Variants in GAS2 observed in about 807,000 individuals in gnomAD.
The protein encoded by GAS2 is growth arrest specific 2, also known as growth arrest-specific protein 2.
GAS2 carries 20 observed loss-of-function variants against 37.5 expected under a neutral mutation model. The observed-to-expected ratio is 0.53, with a 90% CI of 0.37 to 0.77. The LOEUF is 0.77. Among genes scored for constraint, GAS2 ranks in the 30% least tolerant of loss-of-function variants. GAS2 has a pLI of 0.00. For missense variants in GAS2, 336 were observed against 373.4 expected, an observed-to-expected ratio of 0.90 and a Z score of 0.82; for synonymous variants, 144 against 132.2, an observed-to-expected ratio of 1.09 and a Z score of -0.61.
intron 7 of GAS2, among the ~76,000 whole-genome samples, chr11:22,798,802 C>A (rs1856540302): frequency 6.6e-6 from 1 of 152,000 alleles, no homozygotes; most frequent in Non-Finnish European, 1.5e-5. Context: ...TAGAATCAAG[C>A]TTTCAACATG....
chr11:22,729,200 G>A (rs920744177), intron 4 of GAS2, among the ~76,000 whole-genome samples: 58 of 151,854 alleles, frequency 3.8e-4, no homozygotes, highest in South Asian at 2.1e-4. Flanking sequence ...TGTATGAAGA[G>A]GCTTCTGTGT....
intron 2 of GAS2, among the ~76,000 whole-genome samples, chr11:22,680,771 G>C (rs1464984379): frequency 2.0e-5 from 3 of 152,086 alleles, no homozygotes; most frequent in Non-Finnish European, 4.4e-5. Flanking sequence ...CGGCATGAGG[G>C]AGAATGCACT....
chr11:22,755,996 T>C lies in GAS2; in HGVS notation c.723+43T>C, dbSNP rs1470176472. The stretch of plus-strand genomic sequence containing the variant: ...ACTTATCTTGTTTTTATGGGAAGAT[T>C]CAGAATTTGAGTTAGGGGAAATATG... On this transcript the variant is annotated intron_variant, in intron 7 of 7. Transcript: ENST00000454584. The C allele has an allele frequency of 3.6e-6, 5 of 1,385,594 alleles. No homozygotes were observed. In the South Asian group the frequency reaches 6.1e-5, roughly 17 times the overall value. The allele number at this position is 1,385,594 out of a possible 1,614,324, so 85.8% of individuals were successfully genotyped here.
chr11:22,791,555 TTTAACA>T (rs541367663), intron 7 of GAS2, among the ~76,000 whole-genome samples: 191 of 152,348 alleles, frequency 1.3e-3, no homozygotes, highest in African/African-American at 4.4e-3. Context: ...CTAATGTGAC[TTTAACA>T]TTAATTAATT....
intron 7 of GAS2, among the ~76,000 whole-genome samples, chr11:22,777,633 T>A (rs550129286): frequency 3.3e-5 from 5 of 152,284 alleles, no homozygotes; most frequent in African/African-American, 1.2e-4. Flanking sequence ...GGCAGAGGAA[T>A]AGGAAGAACT....
intron 7 of GAS2, among the ~76,000 whole-genome samples, chr11:22,785,489 CA>C (rs778661808): frequency 1.3e-5 from 2 of 152,114 alleles, no homozygotes; most frequent in Non-Finnish European, 2.9e-5. Flanking sequence ...TATTCAAGAA[CA>C]ATATTACATA....
intron 7 of GAS2, among the ~76,000 whole-genome samples, chr11:22,802,031 A>G (rs551394583): frequency 1.3e-5 from 2 of 152,242 alleles, no homozygotes; most frequent in African/African-American, 4.8e-5. Context: ...GCAAAAAGAC[A>G]ACTTTGAGAC....
chr11:22,709,876 T>C (rs990225864), intron 3 of GAS2, among the ~76,000 whole-genome samples: 4 of 151,854 alleles, frequency 2.6e-5, no homozygotes, highest in African/African-American at 4.8e-5. Flanking sequence ...ATGGATGAAA[T>C]TGGAAATCAT....
At chr11:22,635,123 G>T (rs1020339400) in intron 1 of GAS2, among the ~76,000 whole-genome samples, 3 of 152,146 alleles carry the variant, frequency 2.0e-5, no homozygotes, top group African/African-American at 7.2e-5. Context: ...TGTTACCCAG[G>T]GTAGGTACTC....
At chr11:22,780,543 G>T (rs1419355005) in intron 7 of GAS2, among the ~76,000 whole-genome samples, 3 of 113,538 alleles carry the variant, frequency 2.6e-5, no homozygotes, top group African/African-American at 1.0e-4. Context: ...GGGCAACAGA[G>T]CAAGACTCTG....
At position 22,690,650 on chromosome 11, in the gene GAS2, T is replaced by C. The variant is rs112102658; in HGVS notation, c.267+4861T>C. Among the ~76,000 whole-genome samples the C allele has an allele frequency of 1.8e-3, 270 of 152,252 alleles. 2 individuals carry two copies. The highest frequency in any genetic ancestry group is 6.3e-3 in the African/African-American group (263 of 41,556). On this transcript the variant is annotated intron_variant, in intron 3 of 7. Transcript: ENST00000454584. ...AGTTGAGGATGTTTAAAGGCAAAAA[T>C]ATAAATGAAATGAATCTTTCAATAT...
chr11:22,780,811 G>A (rs938409650), intron 7 of GAS2, among the ~76,000 whole-genome samples: 2 of 151,914 alleles, frequency 1.3e-5, no homozygotes, highest in African/African-American at 4.8e-5. Flanking sequence ...AGAAAAAGAT[G>A]GCTTTTATAA....
intron 1 of GAS2, among the ~76,000 whole-genome samples, chr11:22,672,937 G>C (rs1849261633): frequency 6.6e-6 from 1 of 151,976 alleles, no homozygotes. Flanking sequence ...ATAAAAAGTG[G>C]TGTTCTGATT....
chr11:22,774,086 C>G (rs532372733), intron 7 of GAS2, among the ~76,000 whole-genome samples: 1 of 152,142 alleles, frequency 6.6e-6, no homozygotes, highest in South Asian at 2.1e-4. Context: ...CTCCGCCTCC[C>G]GGGTTCAAGC....
chr11:22,806,075 A>C (rs1449694627), intron 7 of GAS2, among the ~76,000 whole-genome samples: 1 of 152,044 alleles, frequency 6.6e-6, no homozygotes. Context: ...ATCTCATTCT[A>C]TGACTTAGAA....
intron 7 of GAS2, among the ~76,000 whole-genome samples, chr11:22,766,190 T>C (rs1854683610): frequency 6.6e-6 from 1 of 151,992 alleles, no homozygotes; most frequent in Non-Finnish European, 1.5e-5. Context: ...TACTATTTAA[T>C]ACTCACCAAA....
At chr11:22,701,367 G>T (rs992837861) in intron 3 of GAS2, among the ~76,000 whole-genome samples, 18 of 152,082 alleles carry the variant, frequency 1.2e-4, no homozygotes, top group African/African-American at 4.3e-4. Flanking sequence ...GATGTTATTG[G>T]CTGTGGGTGT....
At chr11:22,649,427 C>A (rs1848743976) in intron 1 of GAS2, among the ~76,000 whole-genome samples, 2 of 151,980 alleles carry the variant, frequency 1.3e-5, no homozygotes, top group African/African-American at 4.8e-5. Flanking sequence ...TGATGCTGGC[C>A]TCATAAAATG....
intron 3 of GAS2, among the ~76,000 whole-genome samples, chr11:22,713,524 C>A (rs535866105): frequency 6.6e-6 from 1 of 152,158 alleles, no homozygotes; most frequent in Non-Finnish European, 1.5e-5. Context: ...AAACTAATCA[C>A]GAACACATCA....
Sources: gnomAD v4.1 joint callset for allele counts (sites outside exome capture counted in the v4.1 genomes callset) on GRCh38, gnomAD v4.1.1 for gene constraint, MANE v1.5 for transcripts, NCBI Gene and HGNC (gene_info 2026-07-23, HGNC 2026-07-21) for gene names.